TET1: variants seen among roughly 807,000 people sequenced by gnomAD.
The protein encoded by TET1 is methylcytosine dioxygenase TET1.
In TET1, 13 loss-of-function variants were observed where a neutral mutation model predicts 148.7. The ratio of observed to expected loss-of-function variants is 0.09; its 90% CI spans 0.06 to 0.14. TET1 has a LOEUF of 0.14. TET1 is among the 10% of genes least tolerant of loss of function. The pLI, the probability that TET1 is intolerant of heterozygous loss-of-function variation, is 1.00. For missense variants in TET1, 2,182 were observed against 2,553.8 expected (o/e 0.85, Z 3.14); for synonymous variants, 907 against 937.2 (o/e 0.97, Z 0.59).
intron 8 of TET1, among the ~76,000 whole-genome samples, chr10:68,677,329 C>A (rs551111815): frequency 3.3e-5 from 5 of 152,210 alleles, no homozygotes; most frequent in Non-Finnish European, 7.4e-5. Context: ...CTTCTGATTT[C>A]TTTTTGTTTC....
In TET1 at chr10:68,603,633, C is replaced by T. The variant is rs1412208658; in HGVS notation, c.1968+2599C>T. Among the ~76,000 whole-genome samples, 7 of 151,916 alleles carry T rather than the reference C, an allele frequency of 4.6e-5. No individual in the cohort carries two copies. In the East Asian group the frequency reaches 1.2e-3, roughly 25 times the overall value. ...GAAAAATTTAAAAATTAGCTGGGTG[C>T]GACGGTGTGCACTTCTAGTCCTAGC... On this transcript the variant is annotated intron_variant, in intron 3 of 11. Transcript: ENST00000373644.
chr10:68,576,907 A>C (rs1316682925), intron 2 of TET1, among the ~76,000 whole-genome samples: 2 of 135,472 alleles, frequency 1.5e-5, no homozygotes, highest in African/African-American at 5.4e-5. Flanking sequence ...ATACCTGGCT[A>C]ATTTTTGTAT....
Position 68,681,445 on chromosome 10 carries a change from C to G in TET1, c.4871C>G (p.Ala1624Gly). The G allele has an allele frequency of 6.2e-7, 1 of 1,613,848 alleles. No homozygotes were observed. Among genetic ancestry groups the G allele is most frequent in the African/African-American group, 1.3e-5 (1 of 75,018 alleles). The change falls in exon 9 of 12, where the codon GCT (alanine) becomes GGT (glycine). Residue 1624 changes from alanine to glycine, a missense_variant. Ala to Gly is a moderately conservative substitution (Grantham distance 60, BLOSUM62 0). This residue lies in a region of TET1 where 55 missense variants were observed against 149.8 expected (regional missense o/e 0.37). Transcript: ENST00000373644. ...TTACAGAGTTTGGCTACACGATTAG[C>G]TCCAATTTATAAGCAGTATGCTCCA... ...DNLQSLATRL[A>G]PIYKQYAPVA...
At chr10:68,654,033 G>A (rs2054980794) in intron 6 of TET1, among the ~76,000 whole-genome samples, 1 of 146,994 alleles carries the variant, frequency 6.8e-6, no homozygotes, top group East Asian at 2.0e-4. Context: ...CTTGAACCCA[G>A]GAGGCAGAGG....
At chr10:68,570,911 G>A (rs1289293067) in intron 1 of TET1, among the ~76,000 whole-genome samples, 1 of 151,944 alleles carries the variant, frequency 6.6e-6, no homozygotes, top group Non-Finnish European at 1.5e-5. Context: ...GGGATTACAG[G>A]TGTGAACCAC....
chr10:68,659,415 T>C (rs562058733), intron 6 of TET1, among the ~76,000 whole-genome samples: 2 of 151,974 alleles, frequency 1.3e-5, no homozygotes, highest in Non-Finnish European at 2.9e-5. Context: ...GCCTCCCAGG[T>C]TCAAGCCATT....
At chr10:68,654,128 A>G (rs778217586) in intron 6 of TET1, among the ~76,000 whole-genome samples, 56 of 135,706 alleles carry the variant, frequency 4.1e-4, no homozygotes, top group Non-Finnish European at 8.4e-4. Flanking sequence ...AAAAAAAAGC[A>G]TGGATTGTCA....
At position 68,693,876 on chromosome 10, in the gene TET1, C is replaced by G. The variant is rs2133258546; in HGVS notation, c.*2062C>G. On this transcript the variant is annotated 3_prime_UTR_variant, in exon 12 of 12. Transcript: ENST00000373644. ...ATTTAATGGATAAAGTTTTATGGCT[C>G]TTTATGCATCCACTCATCTACTCAT... The G allele has an allele frequency of 4.3e-6, 1 of 231,230 alleles. No individual in the cohort carries two copies. Among genetic ancestry groups the G allele is most frequent in the East Asian group, 6.2e-5 (1 of 16,196 alleles). The allele number at this position is 231,230 out of a possible 1,614,324, so 14.3% of individuals were successfully genotyped here.
chr10:68,641,290 C>T (rs1054991485), intron 3 of TET1, among the ~76,000 whole-genome samples: 1 of 151,884 alleles, frequency 6.6e-6, no homozygotes, highest in Non-Finnish European at 1.5e-5. Flanking sequence ...GCAACCTCTA[C>T]CTCCTGGGTT....
At chr10:68,626,032 C>G (rs578015391) in intron 3 of TET1, among the ~76,000 whole-genome samples, 1 of 147,650 alleles carries the variant, frequency 6.8e-6, no homozygotes. Context: ...TGAGGTGAAC[C>G]GAGATGGTGC....
At chr10:68,629,626 C>T (rs1383933001) in intron 3 of TET1, among the ~76,000 whole-genome samples, 2 of 151,670 alleles carry the variant, frequency 1.3e-5, no homozygotes, top group Non-Finnish European at 2.9e-5. Flanking sequence ...TTCTGCCTCC[C>T]GGGTTCAAGT....
intron 7 of TET1, among the ~76,000 whole-genome samples, chr10:68,670,661 C>T (rs1308890660): frequency 6.6e-6 from 1 of 152,050 alleles, no homozygotes; most frequent in Non-Finnish European, 1.5e-5. Flanking sequence ...ATGTCTTTTT[C>T]AATGATATGA....
At chr10:68,576,472 G>A (rs1345510802) in intron 2 of TET1, among the ~76,000 whole-genome samples, 1 of 152,028 alleles carries the variant, frequency 6.6e-6, no homozygotes, top group East Asian at 1.9e-4. Context: ...AAATCAGCCT[G>A]GGCAACATAG....
At chr10:68,586,490 T>TG (rs926317020) in intron 2 of TET1, among the ~76,000 whole-genome samples, 11 of 149,920 alleles carry the variant, frequency 7.3e-5, no homozygotes, top group African/African-American at 1.5e-4. Context: ...CTAACGTTTT[T>TG]TTTTTTTTTT....
intron 2 of TET1, among the ~76,000 whole-genome samples, chr10:68,576,044 TAA>T (rs2053727021): frequency 6.8e-6 from 1 of 146,448 alleles, no homozygotes; most frequent in African/African-American, 2.5e-5. Context: ...ATTAAATAAA[TAA>T]ATAAATGAAT....
At chr10:68,613,809 G>C (rs141048729) in intron 3 of TET1, among the ~76,000 whole-genome samples, 1 of 152,010 alleles carries the variant, frequency 6.6e-6, no homozygotes, top group Admixed American at 6.6e-5. Context: ...ATGGTGGTAC[G>C]CACCTGTAAT....
rs768257658 is a variant in TET1, at chr10:68,632,393, G to A, written c.1969-12305G>A. The A allele has an allele frequency of 4.9e-5, 79 of 1,609,186 alleles. No homozygotes were observed. The Middle Eastern group carries it at 6.3e-4, about 13-fold the overall frequency. On this transcript the variant is annotated intron_variant, in intron 3 of 11. Transcript: ENST00000373644. Reference sequence around the variant, plus strand: ...CTCATGGCCTCCACGCCGGAGCCCGGTGAGCCCGAGGAGAGGAAGTCCCTT... The same window carrying A: ...CTCATGGCCTCCACGCCGGAGCCCGATGAGCCCGAGGAGAGGAAGTCCCTT...
chr10:68,592,862 C>T (rs771893191), intron 2 of TET1, among the ~76,000 whole-genome samples: 2 of 152,040 alleles, frequency 1.3e-5, no homozygotes, highest in Non-Finnish European at 2.9e-5. Flanking sequence ...GTTTGTGTCT[C>T]TTAGAAGATG....
intron 4 of TET1, 122 bp from the exon 5 acceptor site, chr10:68,651,724 C>G: frequency 3.3e-6 from 2 of 612,690 alleles, no homozygotes; most frequent in Non-Finnish European, 5.3e-6. Flanking sequence ...CAAATCTTAC[C>G]AAAACCTTGT....
Sources: gnomAD v4.1 joint callset for allele counts (sites outside exome capture counted in the v4.1 genomes callset) on GRCh38, gnomAD v4.1.1 for gene constraint, gnomAD v4.1.1 regional missense constraint, MANE v1.5 for transcripts, NCBI Gene and HGNC (gene_info 2026-07-23, HGNC 2026-07-21) for gene names.